PIEZO2: variants seen among roughly 807,000 people sequenced by gnomAD.
PIEZO2 encodes the protein piezo type mechanosensitive ion channel component 2.
PIEZO2 carries 172 observed loss-of-function variants against 337.3 expected under a neutral mutation model. That is an observed-to-expected ratio of 0.51 (90% confidence interval 0.45 to 0.58). The LOEUF is 0.58. PIEZO2 is among the 20% of genes least tolerant of loss of function. The pLI, the probability that PIEZO2 is intolerant of heterozygous loss-of-function variation, is 0.00. For synonymous variants in PIEZO2, 1,251 were observed against 1,228.5 expected (o/e 1.02, Z -0.38); for missense variants, 3,028 against 3,391.3 (o/e 0.89, Z 2.66).
At chr18:10,990,895 A>G (rs2035064944) in intron 2 of PIEZO2, among the ~76,000 whole-genome samples, 2 of 152,022 alleles carry the variant, frequency 1.3e-5, no homozygotes, top group Admixed American at 1.3e-4. Flanking sequence ...TTTTTTAGAT[A>G]AAGTTGACAA....
At chr18:10,785,963 C>A (rs759374948) in intron 16 of PIEZO2, among the ~76,000 whole-genome samples, 1 of 151,956 alleles carries the variant, frequency 6.6e-6, no homozygotes, top group East Asian at 1.9e-4. Flanking sequence ...GTCCACTCAC[C>A]CCCTGTCTTC....
chr18:10,876,596 C>T (rs1045256414), intron 4 of PIEZO2, among the ~76,000 whole-genome samples: 16 of 152,134 alleles, frequency 1.1e-4, no homozygotes, highest in African/African-American at 2.4e-4. Context: ...ACTACCCATC[C>T]GTTCACTAAG....
chr18:10,902,279 G>T (rs1392014719), intron 4 of PIEZO2, among the ~76,000 whole-genome samples: 2 of 152,134 alleles, frequency 1.3e-5, no homozygotes. Context: ...GCTGCTCTAG[G>T]GTATCTGGAG....
At chr18:10,933,561 T>A (rs185134923) in intron 3 of PIEZO2, among the ~76,000 whole-genome samples, 1 of 152,312 alleles carries the variant, frequency 6.6e-6, no homozygotes, top group East Asian at 1.9e-4. Context: ...TTCCATTGAT[T>A]TGGGATGATG....
intron 2 of PIEZO2, among the ~76,000 whole-genome samples, chr18:11,046,991 A>G (rs1282672679): frequency 5.9e-5 from 9 of 152,232 alleles, no homozygotes; most frequent in Non-Finnish European, 4.4e-5. Flanking sequence ...TAGCCCACTC[A>G]TGGGACTCCT....
At chr18:10,719,349 T>C (rs937608623) in intron 36 of PIEZO2, among the ~76,000 whole-genome samples, 7 of 152,124 alleles carry the variant, frequency 4.6e-5, no homozygotes, top group African/African-American at 1.4e-4. Flanking sequence ...AATCCCCCTG[T>C]CCCCAACTCT....
intron 3 of PIEZO2, among the ~76,000 whole-genome samples, chr18:10,944,451 T>C (rs113735510): frequency 1.3e-5 from 2 of 149,016 alleles, no homozygotes; most frequent in African/African-American, 2.4e-5. Context: ...CACAGATATA[T>C]ATATATCTCA....
At chr18:10,992,039 T>G (rs2035129154) in intron 2 of PIEZO2, among the ~76,000 whole-genome samples, 1 of 152,252 alleles carries the variant, frequency 6.6e-6, no homozygotes, top group Admixed American at 6.5e-5. Context: ...TTTCTAGACG[T>G]GTCTGTTCAT....
intron 3 of PIEZO2, among the ~76,000 whole-genome samples, chr18:10,938,216 T>C (rs745975025): frequency 1.5e-4 from 23 of 152,176 alleles, no homozygotes; most frequent in Middle Eastern, 3.2e-3. Context: ...AGGCCATTGG[T>C]CTTAGACCTC....
chr18:10,725,217 G>A, intron 36 of PIEZO2: 2 of 1,563,924 alleles, frequency 1.3e-6, no homozygotes, highest in Non-Finnish European at 1.8e-6. Flanking sequence ...TTCTGGAGAA[G>A]TTTGGAACCT....
chr18:10,742,315 C>CAAATCAA (rs2037257049), intron 32 of PIEZO2, among the ~76,000 whole-genome samples, 179 bp downstream of exon 32: 1 of 152,186 alleles, frequency 6.6e-6, no homozygotes, highest in Admixed American at 6.5e-5. Context: ...TTATCAAATA[C>CAAATCAA]ATACTTTATG....
intron 14 of PIEZO2, among the ~76,000 whole-genome samples, chr18:10,790,722 T>G (rs75396665): frequency 1.3e-5 from 2 of 150,912 alleles, no homozygotes; most frequent in Non-Finnish European, 2.9e-5. Context: ...TTTTTTTTTT[T>G]TGAGAGGGAG....
intron 43 of PIEZO2, among the ~76,000 whole-genome samples, chr18:10,701,201 TA>T (rs2035317070): frequency 6.6e-6 from 1 of 152,186 alleles, no homozygotes; most frequent in Non-Finnish European, 1.5e-5. Flanking sequence ...GGAAAGAAAG[TA>T]AGGTTGTAAC....
chr18:10,995,086 A>AAAAAAGAAAGAAAG (rs1222028444), intron 2 of PIEZO2, among the ~76,000 whole-genome samples: 6 of 151,590 alleles, frequency 4.0e-5, no homozygotes, highest in South Asian at 2.1e-4. Context: ...TCAAAAAAAA[A>AAAAAAGAAAGAAAG]AAAAAAAAAA....
At chr18:11,085,907 A>G (rs951105739) in intron 1 of PIEZO2, among the ~76,000 whole-genome samples, 22 of 151,904 alleles carry the variant, frequency 1.4e-4, no homozygotes. Flanking sequence ...TAGGGGGTAT[A>G]ATGGAAACCC....
At position 10,881,368 on chromosome 18, in the gene PIEZO2, C is replaced by A. The variant is rs148588255; in HGVS notation, c.330-9953G>T. Among the ~76,000 whole-genome samples, 179 of 152,292 alleles carry A rather than the reference C, an allele frequency of 1.2e-3. 1 individual carries two copies. The highest frequency in any genetic ancestry group is 4.1e-3 in the African/African-American group (172 of 41,558). On this transcript the variant is annotated intron_variant, in intron 4 of 55. Coordinates refer to ENST00000674853, the MANE Select transcript of PIEZO2 (RefSeq NM_001378183.1). ...TTTGGAACACACAGTGCTTTATTCT[C>A]CTAAAAGGGTATACTGGTTATTTAT...
In PIEZO2 at chr18:11,083,088, T is replaced by G. The variant is rs2038806163; in HGVS notation, c.65-16866A>C. Among the ~76,000 whole-genome samples, 1 of 152,164 alleles carries G rather than the reference T, an allele frequency of 6.6e-6. No individual in the cohort carries two copies. The highest frequency in any genetic ancestry group is 2.4e-5 in the African/African-American group (1 of 41,448). On this transcript the variant is annotated intron_variant, in intron 1 of 55. Transcript: ENST00000674853. The surrounding 1 kb of genome is among the most constrained non-coding windows in gnomAD (Gnocchi z 4.4). Reference sequence around the variant, plus strand: ...AGTTCACTTAGGCCGTTGCTTATGGTTCTGGGTGGCCCATGGGAATCCCAT... The same window carrying G: ...AGTTCACTTAGGCCGTTGCTTATGGGTCTGGGTGGCCCATGGGAATCCCAT...
At chr18:10,699,207 G>C (rs1019730146) in intron 43 of PIEZO2, 30 bp from the exon 44 acceptor site, 1 of 1,536,642 alleles carries the variant, frequency 6.5e-7, no homozygotes, top group Non-Finnish European at 8.7e-7. Context: ...GACAAATGAG[G>C]CTACTGTTTC....
In PIEZO2 at chr18:11,016,471, C is replaced by A. The variant is rs745331007; in HGVS notation, c.161-36811G>T. ...CAGAGAGAAAGTGAACCCCTAGGAA[C>A]CCCCTGCAAAGGGTGGGTATGAGGG... On this transcript the variant is annotated intron_variant, in intron 2 of 55. Coordinates refer to ENST00000674853, the MANE Select transcript of PIEZO2 (RefSeq NM_001378183.1). The surrounding 1 kb of genome is among the most constrained non-coding windows in gnomAD (Gnocchi z 5.6). Among the ~76,000 whole-genome samples, 8 of 152,168 alleles carry A rather than the reference C, an allele frequency of 5.3e-5. No homozygotes were observed. The highest frequency in any genetic ancestry group is 7.4e-5 in the Non-Finnish European group (5 of 68,024).
Sources: gnomAD v4.1 joint callset for allele counts (sites outside exome capture counted in the v4.1 genomes callset) on GRCh38, gnomAD v4.1.1 for gene constraint, Gnocchi (gnomAD v3.1) non-coding constraint, MANE v1.5 for transcripts, NCBI Gene and HGNC (gene_info 2026-07-23, HGNC 2026-07-21) for gene names.